Variants in TRIM24 observed in about 807,000 individuals in gnomAD.
TRIM24 encodes the protein tripartite motif containing 24, also known as transcription intermediary factor 1-alpha.
In TRIM24, 29 loss-of-function variants were observed where a neutral mutation model predicts 123.9. That is an observed-to-expected ratio of 0.23 (90% CI 0.17 to 0.32). TRIM24 has a LOEUF of 0.32. TRIM24 is among the 10% of genes least tolerant of loss of function. The probability of loss-of-function intolerance (pLI) is 1.00; values close to 1 mark genes in which losing one functional copy is unlikely to be tolerated. For missense variants in TRIM24, 932 were observed against 1,295.3 expected, an observed-to-expected ratio of 0.72 and a Z score of 4.31; for synonymous variants, 456 against 461.1, an observed-to-expected ratio of 0.99 and a Z score of 0.14.
intron 9 of TRIM24, 148 bp downstream of exon 9, chr7:138,555,114 C>G: frequency 1.2e-6 from 1 of 809,740 alleles, no homozygotes; most frequent in East Asian, 2.7e-5. Flanking sequence ...GATTTAATGC[C>G]TAGTTTTTAA....
intron 13 of TRIM24, 125 bp downstream of exon 13, chr7:138,576,570 TTAA>T (rs1797764526): frequency 2.9e-6 from 2 of 700,692 alleles, no homozygotes; most frequent in Non-Finnish European, 4.4e-6. Flanking sequence ...AATTAAAATT[TTAA>T]TAACTACTAT....
intron 11 of TRIM24, among the ~76,000 whole-genome samples, chr7:138,571,286 C>T (rs187039427): frequency 1.8e-4 from 27 of 152,280 alleles, no homozygotes; most frequent in African/African-American, 6.3e-4. Context: ...CAGAGCGAGA[C>T]CCTGTCTCAA....
intron 1 of TRIM24, among the ~76,000 whole-genome samples, chr7:138,500,125 C>T (rs1001850768): frequency 7.9e-5 from 12 of 152,056 alleles, no homozygotes; most frequent in Non-Finnish European, 1.3e-4. Context: ...CAAAGAAGTG[C>T]GAGCCATTCC....
At chr7:138,562,423 TG>T (rs1327659327) in intron 9 of TRIM24, among the ~76,000 whole-genome samples, 1 of 152,084 alleles carries the variant, frequency 6.6e-6, no homozygotes, top group Non-Finnish European at 1.5e-5. Context: ...TACTATCGGG[TG>T]GATGTTTACT....
intron 10 of TRIM24, 45 bp from the exon 11 acceptor site, chr7:138,570,785 A>G: frequency 6.3e-7 from 1 of 1,594,418 alleles, no homozygotes. Context: ...GTTGTATTTT[A>G]TAAGCTTGTT....
intron 1 of TRIM24, among the ~76,000 whole-genome samples, chr7:138,470,816 G>A (rs1795257558): frequency 6.6e-6 from 1 of 152,322 alleles, no homozygotes; most frequent in East Asian, 1.9e-4. Flanking sequence ...GGAGATCCCT[G>A]TCCTATAGAA....
Position 138,460,925 on chromosome 7 carries a change from C to G in TRIM24, c.364+13C>G, listed in dbSNP as rs919647544. The G allele has an allele frequency of 5.6e-6, 8 of 1,433,520 alleles. No individual in the cohort carries two copies. Among genetic ancestry groups the G allele is most frequent in the Non-Finnish European group, 4.5e-6 (5 of 1,102,574 alleles). 88.8% of individuals were successfully genotyped at this position (1,433,520 alleles called of 1,614,324 possible). ...TTCGCCACCCAAGGTGAGAACCGGC[C>G]GCGGCCGCTGGGGAGCCCGGGGAGA... is the stretch of plus-strand genomic sequence containing the variant. On this transcript the variant is annotated intron_variant, in intron 1 of 18. Transcript: ENST00000343526.
intron 1 of TRIM24, among the ~76,000 whole-genome samples, chr7:138,502,397 G>C (rs1167626502): frequency 1.3e-5 from 2 of 152,212 alleles, no homozygotes; most frequent in African/African-American, 2.4e-5. Flanking sequence ...GTATCATGAT[G>C]ATTATCATGT....
chr7:138,502,600 C>A (rs1796065335), intron 1 of TRIM24, among the ~76,000 whole-genome samples: 1 of 152,204 alleles, frequency 6.6e-6, no homozygotes, highest in Non-Finnish European at 1.5e-5. Context: ...CCAGTCGTAG[C>A]ACCCAGTTTC....
intron 12 of TRIM24, among the ~76,000 whole-genome samples, chr7:138,575,301 C>A (rs1797733277): frequency 6.6e-6 from 1 of 151,784 alleles, no homozygotes; most frequent in East Asian, 1.9e-4. Context: ...TTATAAATAG[C>A]CATTGTTTTG....
At chr7:138,508,692 T>TGTGTGTGTGCGCGCGC (rs1422176564) in intron 2 of TRIM24, among the ~76,000 whole-genome samples, 33 of 137,278 alleles carry the variant, frequency 2.4e-4, no homozygotes, top group South Asian at 1.2e-3. Context: ...TGTGTGTGTG[T>TGTGTGTGTGCGCGCGC]GCGCGCGCGT....
Position 138,520,534 on chromosome 7 carries a change from C to A in TRIM24, c.764+1213C>A, listed in dbSNP as rs949607242. On this transcript the variant is annotated intron_variant, in intron 4 of 18. Coordinates refer to ENST00000343526, the MANE Select transcript of TRIM24 (RefSeq NM_015905.3). ...CGAACATAGTGAGACCCCATCCCCA[C>A]AAAAAATTAGCTGGGCAAAGTGGTG... Among the ~76,000 whole-genome samples, 4 of 152,208 alleles carry A rather than the reference C, an allele frequency of 2.6e-5. No homozygotes were observed. The South Asian group carries it at 8.3e-4, about 32-fold the overall frequency.
chr7:138,577,339 T>C (rs1006080511), intron 13 of TRIM24, 81 bp from the exon 14 acceptor site: 3 of 1,159,890 alleles, frequency 2.6e-6, no homozygotes, highest in Admixed American at 5.8e-5. Context: ...TACAGTATTT[T>C]AGAAAGTTGT....
At chr7:138,578,395 A>AC (rs1797811456) in intron 14 of TRIM24, among the ~76,000 whole-genome samples, 1 of 152,228 alleles carries the variant, frequency 6.6e-6, no homozygotes, top group South Asian at 2.1e-4. Context: ...AGAATACTTA[A>AC]CCAGTACAAG....
At chr7:138,486,453 G>T (rs905768617) in intron 1 of TRIM24, among the ~76,000 whole-genome samples, 2 of 152,036 alleles carry the variant, frequency 1.3e-5, no homozygotes, top group Non-Finnish European at 2.9e-5. Flanking sequence ...TTTCTTCTAG[G>T]GTTTTTATGG....
intron 7 of TRIM24, among the ~76,000 whole-genome samples, chr7:138,543,837 T>C (rs570620246): frequency 6.6e-6 from 1 of 152,068 alleles, no homozygotes; most frequent in Non-Finnish European, 1.5e-5. Context: ...TTCTGTTTTT[T>C]TTGTTGTTGT....
intron 8 of TRIM24, among the ~76,000 whole-genome samples, chr7:138,553,745 A>C (rs1797259497): frequency 6.6e-6 from 1 of 152,212 alleles, no homozygotes; most frequent in Non-Finnish European, 1.5e-5. Context: ...ATATGACAGC[A>C]GTTCTCAAAG....
rs540587089 is a variant in TRIM24, at chr7:138,466,753, A to G, written c.364+5841A>G. ...ATTGCAGGTATTGACTCTGGCTTGCATGCTCATTTTCTTGGTGTCTTTTGA... is the reference window on the plus strand; with the variant it reads ...ATTGCAGGTATTGACTCTGGCTTGCGTGCTCATTTTCTTGGTGTCTTTTGA... On this transcript the variant is annotated intron_variant, in intron 1 of 18. Transcript: ENST00000343526. Among the ~76,000 whole-genome samples the G allele has an allele frequency of 5.3e-5, 8 of 152,190 alleles. No individual in the cohort carries two copies. The South Asian group carries it at 1.2e-3, about 24-fold the overall frequency.
Position 138,573,631 on chromosome 7 carries a change from C to T in TRIM24, c.2003C>T (p.Pro668Leu). 6.2e-7 allele frequency: 1 copy of T among 1,603,872 alleles called. No homozygotes were observed. The highest frequency in any genetic ancestry group is 8.5e-7 in the Non-Finnish European group (1 of 1,177,590). Residue 668 changes from proline (P) to leucine (L), a missense_variant, in exon 12 of 19, where the codon CCA (proline) becomes CTA (leucine). Pro to Leu is a moderately conservative substitution (Grantham distance 98). Transcript: ENST00000343526. ...VQSPNSSVPS[P>L]GLAGPVTMTS... The stretch of plus-strand genomic sequence containing the variant: ...TCACCAAATTCATCAGTGCCATCTC[C>T]AGGCCTTGCAGGTAAAGTGGGCTTC...
Sources: allele counts gnomAD v4.1 joint callset (sites outside exome capture counted in the v4.1 genomes callset), GRCh38; gene constraint gnomAD v4.1.1; transcripts MANE v1.5; gene names NCBI Gene and HGNC (gene_info 2026-07-23, HGNC 2026-07-21).